Variants in CLCN3 observed in about 807,000 individuals in gnomAD.
The protein encoded by CLCN3 is H(+)/Cl(-) exchange transporter 3.
A neutral mutation model predicts 83.4 loss-of-function variants in CLCN3; 16 were observed. The observed-to-expected ratio is 0.19, with a 90% CI of 0.13 to 0.29. The LOEUF is 0.29. Among genes scored for constraint, CLCN3 ranks in the 10% least tolerant of loss-of-function variants. The pLI is 1.00. For missense variants in CLCN3, 544 were observed against 1,006.0 expected, an observed-to-expected ratio of 0.54 and a Z score of 6.21; for synonymous variants, 322 against 346.2, an observed-to-expected ratio of 0.93 and a Z score of 0.78.
chr4:169,626,885 T>G (rs746400141), intron 1 of CLCN3, among the ~76,000 whole-genome samples: 1 of 152,178 alleles, frequency 6.6e-6, no homozygotes, highest in Non-Finnish European at 1.5e-5. Flanking sequence ...CCAGGAACCA[T>G]GGATGAAAAC....
chr4:169,660,494 A>G, intron 2 of CLCN3: 1 of 1,268,246 alleles, frequency 7.9e-7, no homozygotes, highest in Non-Finnish European at 1.0e-6. Flanking sequence ...TATGTTTTGC[A>G]TGCGGCTGGG....
intron 12 of CLCN3, among the ~76,000 whole-genome samples, chr4:169,717,521 C>T (rs1733471951): frequency 6.6e-6 from 1 of 152,128 alleles, no homozygotes. Flanking sequence ...TAGTCATCTT[C>T]ATTCCAAACT....
intron 9 of CLCN3, among the ~76,000 whole-genome samples, chr4:169,703,546 T>G (rs1732876544): frequency 6.6e-6 from 1 of 152,234 alleles, no homozygotes; most frequent in South Asian, 2.1e-4. Flanking sequence ...TTTTTTAATT[T>G]CAATAGCTTT....
chr4:169,640,943 C>A (rs1459661908), intron 2 of CLCN3, among the ~76,000 whole-genome samples: 1 of 152,108 alleles, frequency 6.6e-6, no homozygotes, highest in Non-Finnish European at 1.5e-5. Flanking sequence ...CGCCTATATC[C>A]TTTTTTATCA....
intron 1 of CLCN3, among the ~76,000 whole-genome samples, chr4:169,629,347 A>C (rs1244929681): frequency 1.3e-5 from 2 of 152,218 alleles, no homozygotes; most frequent in East Asian, 3.8e-4. Flanking sequence ...AATTTAATTA[A>C]AAAAATTGAA....
At chr4:169,690,740 AGG>A in intron 6 of CLCN3, 88 bp downstream of exon 6, 1 of 1,275,978 alleles carries the variant, frequency 7.8e-7, no homozygotes, top group Non-Finnish European at 1.1e-6. Flanking sequence ...GCTTTTCTGG[AGG>A]GAGGGGATAG....
intron 7 of CLCN3, among the ~76,000 whole-genome samples, 177 bp downstream of exon 7, chr4:169,692,497 G>A (rs1430118823): frequency 6.6e-6 from 1 of 152,124 alleles, no homozygotes; most frequent in East Asian, 1.9e-4. Flanking sequence ...CATTCCCAGT[G>A]CTGCTCAGTT....
rs1041969423 is a variant in CLCN3 at position 169,722,529 on chromosome 4, T to C, written c.*2532T>C. ...TCAGCATGGCTGCTGGATAACTTAA[T>C]TGTCCTGAGTTAATAGCCTTCAAAG... On this transcript the variant is annotated 3_prime_UTR_variant, in exon 13 of 13. Transcript: ENST00000513761. 9 of 152,248 alleles carry C rather than the reference T, an allele frequency of 5.9e-5. No individual in the cohort carries two copies. The highest frequency in any genetic ancestry group is 8.8e-5 in the Non-Finnish European group (6 of 68,042). The allele number at this position is 152,248 out of a possible 1,614,324, so 9.4% of individuals were successfully genotyped here.
intron 1 of CLCN3, among the ~76,000 whole-genome samples, chr4:169,634,941 T>C (rs1175367944): frequency 6.6e-6 from 1 of 152,226 alleles, no homozygotes; most frequent in Non-Finnish European, 1.5e-5. Flanking sequence ...TAAAACTTCA[T>C]AAATACCTTT....
chr4:169,629,732 C>A (rs1026359360), intron 1 of CLCN3, among the ~76,000 whole-genome samples: 11 of 152,110 alleles, frequency 7.2e-5, no homozygotes, highest in Admixed American at 4.6e-4. Context: ...GAGTGTCAGA[C>A]CTCATGACAC....
intron 1 of CLCN3, among the ~76,000 whole-genome samples, chr4:169,626,951 G>A (rs1248144574): frequency 6.6e-6 from 1 of 152,140 alleles, no homozygotes; most frequent in African/African-American, 2.4e-5. Context: ...GTTTAGAATT[G>A]TTCAGACGTC....
At chr4:169,665,240 A>T (rs917492240) in intron 2 of CLCN3, among the ~76,000 whole-genome samples, 5 of 152,210 alleles carry the variant, frequency 3.3e-5, no homozygotes, top group Non-Finnish European at 5.9e-5. Flanking sequence ...AGGTGGCAAC[A>T]GAACAGAAAA....
At chr4:169,689,958 G>A (rs1158353141) in intron 5 of CLCN3, among the ~76,000 whole-genome samples, 3 of 152,100 alleles carry the variant, frequency 2.0e-5, no homozygotes, top group Non-Finnish European at 4.4e-5. Flanking sequence ...GTATAGCTGA[G>A]ATGTGTTGGT....
intron 3 of CLCN3, among the ~76,000 whole-genome samples, chr4:169,686,631 G>C (rs545584939): frequency 6.6e-6 from 1 of 152,218 alleles, no homozygotes; most frequent in South Asian, 2.1e-4. Flanking sequence ...TGGCCAGACT[G>C]GTCTTGAACT....
intron 2 of CLCN3, among the ~76,000 whole-genome samples, chr4:169,672,246 A>ATAGATAGATAGG (rs1731494982): frequency 6.6e-6 from 1 of 151,942 alleles, no homozygotes; most frequent in Non-Finnish European, 1.5e-5. Flanking sequence ...AGATAGATAG[A>ATAGATAGATAGG]TAGATAGATA....
intron 3 of CLCN3, among the ~76,000 whole-genome samples, chr4:169,684,369 G>T (rs1225798701): frequency 6.6e-6 from 1 of 152,166 alleles, no homozygotes; most frequent in Non-Finnish European, 1.5e-5. Flanking sequence ...GTTGACCAAT[G>T]AGATTTTTTG....
At chr4:169,630,397 T>TAA (rs1204078207) in intron 1 of CLCN3, among the ~76,000 whole-genome samples, 3 of 152,224 alleles carry the variant, frequency 2.0e-5, no homozygotes, top group African/African-American at 7.2e-5. Context: ...GGTTTTCTGT[T>TAA]ACTGTGTTAA....
At chr4:169,657,130 A>G (rs1356242437) in intron 2 of CLCN3, among the ~76,000 whole-genome samples, 1 of 152,136 alleles carries the variant, frequency 6.6e-6, no homozygotes, top group Non-Finnish European at 1.5e-5. Flanking sequence ...TGTGTCATTT[A>G]TATAGGTAGG....
intron 2 of CLCN3, among the ~76,000 whole-genome samples, chr4:169,669,481 C>G (rs749969680): frequency 6.6e-6 from 1 of 151,878 alleles, no homozygotes; most frequent in African/African-American, 2.4e-5. Flanking sequence ...AGAGCAAGAC[C>G]CCATCTCTAA....
Sources: gnomAD v4.1 joint callset for allele counts (sites outside exome capture counted in the v4.1 genomes callset) on GRCh38, gnomAD v4.1.1 for gene constraint, MANE v1.5 for transcripts, NCBI Gene and HGNC (gene_info 2026-07-23, HGNC 2026-07-21) for gene names.